Variants in KRT20 observed in about 807,000 individuals in gnomAD.
The protein encoded by KRT20 is keratin 20.
In KRT20, 41 loss-of-function variants were observed where a neutral mutation model predicts 43.0. That is an observed-to-expected ratio of 0.95 (90% CI 0.74 to 1.24). KRT20 has a LOEUF of 1.24. Ranked by LOEUF, KRT20 falls within the 50% of genes most tolerant of loss-of-function variation. The probability of loss-of-function intolerance (pLI) is 0.00; values close to 1 mark genes in which losing one functional copy is unlikely to be tolerated. For synonymous variants in KRT20, 207 were observed against 200.6 expected, an observed-to-expected ratio of 1.03 and a Z score of -0.27; for missense variants, 533 against 521.2, an observed-to-expected ratio of 1.02 and a Z score of -0.22.
chr17:40,876,671 A>G (rs1448025803), intron 7 of KRT20, among the ~76,000 whole-genome samples: 1 of 152,208 alleles, frequency 6.6e-6, no homozygotes, highest in Non-Finnish European at 1.5e-5. Context: ...TACTCTTAAA[A>G]ATTCAAGAAA....
chr17:40,882,240 G>A (rs1043907764), intron 2 of KRT20, among the ~76,000 whole-genome samples: 1 of 152,172 alleles, frequency 6.6e-6, no homozygotes, highest in African/African-American at 2.4e-5. Flanking sequence ...TAGGGAGAAG[G>A]AGAATTGTAA....
Position 40,878,214 on chromosome 17 carries a change from A to T in KRT20, c.1070T>A (p.Leu357His). ...ERQNNEYHIL[L>H]DIKTRLEQEI... ...CTGTTCAAGTCGAGTCTTTATGTCA[A>T]GAAGGATATGGTATTCGTTGTTCTG... The change falls in exon 6 of 8, where the codon CTT (leucine) becomes CAT (histidine). Residue 357 changes from leucine (L) to histidine (H), a missense_variant. By Grantham distance (99) the Leu-to-His change is moderately conservative. Transcript: ENST00000167588. 1 of 1,614,080 alleles carries T rather than the reference A, an allele frequency of 6.2e-7. No individual in the cohort carries two copies. Among genetic ancestry groups the T allele is most frequent in the Non-Finnish European group, 8.5e-7 (1 of 1,180,022 alleles).
Position 40,882,258 on chromosome 17 carries a change from T to C in KRT20, c.473+314A>G, listed in dbSNP as rs146381216. 5.6e-4 allele frequency among the ~76,000 whole-genome samples: 86 copies of C among 152,322 alleles called. 1 individual carries two copies. The East Asian group carries it at 0.016, about 28-fold the overall frequency. Reference sequence around the variant, plus strand: ...GGAGAAGGAGAATTGTAAATTACTTTGTTATTACTCCAAAGGGCAGAATTA... The same window carrying C: ...GGAGAAGGAGAATTGTAAATTACTTCGTTATTACTCCAAAGGGCAGAATTA... On this transcript the variant is annotated intron_variant, in intron 2 of 7. Transcript: ENST00000167588.
At chr17:40,879,692 C>T (rs1597851156) in intron 5 of KRT20, 121 bp downstream of exon 5, 1 of 1,113,344 alleles carries the variant, frequency 9.0e-7, no homozygotes, top group Non-Finnish European at 1.3e-6. Flanking sequence ...CGGCCTGTTT[C>T]CCTGCCAGTT....
chr17:40,876,539 C>A, intron 7 of KRT20, 81 bp from the exon 8 acceptor site: 1 of 804,700 alleles, frequency 1.2e-6, no homozygotes, highest in East Asian at 2.7e-5. Flanking sequence ...AATTATTATT[C>A]TTTTTACTTA....
chr17:40,881,859 T>A (rs746001552), intron 2 of KRT20, among the ~76,000 whole-genome samples: 13 of 137,132 alleles, frequency 9.5e-5, no homozygotes, highest in Non-Finnish European at 1.8e-4. Context: ...TTACTTTCTT[T>A]TTCTTTTCTT....
chr17:40,877,523 G>T lies in KRT20; in HGVS notation c.1140-106C>A. 6 of 636,554 alleles carry T rather than the reference G, an allele frequency of 9.4e-6. No homozygotes were observed. In the South Asian group the frequency reaches 1.5e-4, roughly 16 times the overall value. The allele number at this position is 636,554 out of a possible 1,614,324, so 39.4% of individuals were successfully genotyped here. The stretch of plus-strand genomic sequence containing the variant: ...GTCTTTTATATTTCAAAGTCCAAGT[G>T]AATGTGTTATTGCTTTCATATATCT... On this transcript the variant is annotated intron_variant, in intron 6 of 7. Coordinates refer to ENST00000167588, the MANE Select transcript of KRT20 (RefSeq NM_019010.3).
Position 40,884,885 on chromosome 17 carries a change from G to A in KRT20, c.301C>T (p.Gln101Ter). 6.2e-7 allele frequency: 1 copy of A among 1,614,170 alleles called. No individual in the cohort carries two copies. Among genetic ancestry groups the A allele is most frequent in the Non-Finnish European group, 8.5e-7 (1 of 1,180,032 alleles). ...LEQSNSKLEV[Q>*]IKQWYETNAP... ...TTGGTTTCGTACCACTGCTTGATTT[G>A]CACTTCAAGTTTGGAGTTGGACTGC... Residue 101 changes from glutamine (Q) to a stop codon, truncating the protein, a stop_gained, in exon 1 of 8, where the codon CAA (glutamine) becomes TAA (stop). Coordinates refer to ENST00000167588, the MANE Select transcript of KRT20 (RefSeq NM_019010.3). LOFTEE classifies it high-confidence loss of function.
Position 40,877,420 on chromosome 17 carries a change from G to GTTT in KRT20, c.1140-6_1140-4dup, listed in dbSNP as rs370577040. On this transcript the variant is annotated splice_region_variant and splice_polypyrimidine_tract_variant and intron_variant, in intron 6 of 7. Transcript: ENST00000167588. ...TGCTTAACTGATATTCTGTAGTTCT[G>GTTT]TTTTTTTTTTTAATGAAAAGAAGAA... 3.7e-5 allele frequency: 45 copies of GTTT among 1,218,974 alleles called. No homozygotes were observed. Among genetic ancestry groups the GTTT allele is most frequent in the South Asian group, 6.9e-5 (4 of 57,926 alleles). The allele number at this position is 1,218,974 out of a possible 1,614,324, so 75.5% of individuals were successfully genotyped here. A position where few individuals can be genotyped will look rare whatever the true frequency, so the allele number is the denominator to read the frequency against.
intron 3 of KRT20, 103 bp downstream of exon 3, chr17:40,880,511 C>A: frequency 2.0e-6 from 2 of 1,001,852 alleles, no homozygotes; most frequent in South Asian, 1.6e-5. Context: ...TCACTATCAC[C>A]ACCAACTCTT....
At chr17:40,883,243 G>A (rs912181421) in intron 1 of KRT20, among the ~76,000 whole-genome samples, 1 of 152,206 alleles carries the variant, frequency 6.6e-6, no homozygotes. Context: ...CTCAACTTGA[G>A]TCATCACACC....
rs1907431575 is a variant in KRT20 at position 40,878,218 on chromosome 17, G to C, written c.1066C>G (p.Leu356Val). The change falls in exon 6 of 8, where the codon CTT (leucine) becomes GTT (valine). Residue 356 changes from leucine (L) to valine (V), a missense_variant. By Grantham distance (32) the Leu-to-Val change is conservative (BLOSUM62 1). Coordinates refer to ENST00000167588, the MANE Select transcript of KRT20 (RefSeq NM_019010.3). ...TCAAGTCGAGTCTTTATGTCAAGAA[G>C]GATATGGTATTCGTTGTTCTGGCGT... is the stretch of plus-strand genomic sequence containing the variant. ...MERQNNEYHI[L>V]LDIKTRLEQE... is the part of the protein sequence containing the mutation. The C allele has an allele frequency of 1.2e-6, 2 of 1,614,110 alleles. No individual in the cohort carries two copies. The highest frequency in any genetic ancestry group is 4.5e-5 in the East Asian group (2 of 44,864).
Position 40,878,126 on chromosome 17 carries a change from T to C in KRT20, c.1139+19A>G. 7 of 1,599,270 alleles carry C rather than the reference T, an allele frequency of 4.4e-6. No individual in the cohort carries two copies. The highest frequency in any genetic ancestry group is 6.0e-6 in the Non-Finnish European group (7 of 1,166,538). On this transcript the variant is annotated intron_variant, in intron 6 of 7. Transcript: ENST00000167588. ...GCATACAGATATTGACACCTATTCC[T>C]TGATTCTAAGAGCCTTACTTTACGT... is the stretch of plus-strand genomic sequence containing the variant.
At chr17:40,877,723 G>T (rs1354840040) in intron 6 of KRT20, among the ~76,000 whole-genome samples, 1 of 152,118 alleles carries the variant, frequency 6.6e-6, no homozygotes, top group Non-Finnish European at 1.5e-5. Context: ...CTTAGGTATG[G>T]TATCTGAAGA....
At position 40,876,266 on chromosome 17, in the gene KRT20, G is replaced by A. The variant is rs763384370; in HGVS notation, c.*95C>T. 2 of 788,882 alleles carry A rather than the reference G, an allele frequency of 2.5e-6. No homozygotes were observed. Among genetic ancestry groups the A allele is most frequent in the Admixed American group, 3.6e-5 (2 of 55,452 alleles). 48.9% of individuals were successfully genotyped at this position (788,882 alleles called of 1,614,324 possible). On this transcript the variant is annotated 3_prime_UTR_variant, in exon 8 of 8. Transcript: ENST00000167588. ...TTCTAATCACTGCAGAGTATTAATA[G>A]TGCTTTCTTATGGCTGATTTCTTGC...
chr17:40,876,447 T>G lies in KRT20; in HGVS notation c.1189A>C (p.Thr397Pro). The change falls in exon 8 of 8, where the codon ACC becomes CCC. Residue 397 changes from threonine to proline, a missense_variant. By Grantham distance (38) the Thr-to-Pro change is conservative. Coordinates refer to ENST00000167588, the MANE Select transcript of KRT20 (RefSeq NM_019010.3). ...TGCACGACTGTCTTAATCTTCCTGGTTTTCTTTATATCTGAATTCATATTA... is the reference window on the plus strand; with the variant it reads ...TGCACGACTGTCTTAATCTTCCTGGGTTTCTTTATATCTGAATTCATATTA... ...STLEERDIKK[T>P]RKIKTVVQEV... The G allele has an allele frequency of 6.2e-7, 1 of 1,607,418 alleles. No individual in the cohort carries two copies. The highest frequency in any genetic ancestry group is 8.5e-7 in the Non-Finnish European group (1 of 1,174,154).
rs375145771 is a variant in KRT20 at position 40,884,996 on chromosome 17, C to G, written c.190G>C (p.Asp64His). The G allele has an allele frequency of 6.2e-6, 10 of 1,614,054 alleles. No homozygotes were observed. Among genetic ancestry groups the G allele is most frequent in the Middle Eastern group, 1.6e-4 (1 of 6,084 alleles). The stretch of plus-strand genomic sequence containing the variant: ...ATTTTCTCATTGCCAACAAACAGGT[C>G]CCCGCCGCCTGTGAGATCGCTCCCA... ...NYGSDLTGGG[D>H]LFVGNEKMAM... Residue 64 changes from aspartate (D) to histidine (H), a missense_variant, in exon 1 of 8, where the codon GAC (aspartate) becomes CAC (histidine). By Grantham distance (81) the Asp-to-His change is moderately conservative. Coordinates refer to ENST00000167588, the MANE Select transcript of KRT20 (RefSeq NM_019010.3).
chr17:40,879,481 C>T (rs1319426096), intron 5 of KRT20, among the ~76,000 whole-genome samples: 1 of 152,022 alleles, frequency 6.6e-6, no homozygotes. Flanking sequence ...ATGAAATAAC[C>T]TGTACAACAA....
intron 5 of KRT20, among the ~76,000 whole-genome samples, 190 bp from the exon 6 acceptor site, chr17:40,878,555 G>A (rs914536044): frequency 2.0e-5 from 3 of 152,086 alleles, no homozygotes; most frequent in African/African-American, 2.4e-5. Context: ...TAGCTCTTGG[G>A]GTTTTTCTTT....
Sources: gnomAD v4.1 joint callset for allele counts (sites outside exome capture counted in the v4.1 genomes callset) on GRCh38, gnomAD v4.1.1 for gene constraint, MANE v1.5 for transcripts, NCBI Gene and HGNC (gene_info 2026-07-23, HGNC 2026-07-21) for gene names.